The following GPN1 variants were observed in gnomAD, a reference collection of about 807,000 sequenced individuals.
GPN1 encodes GPN-loop GTPase 1.
A neutral mutation model predicts 55.9 loss-of-function variants in GPN1; 44 were observed. The ratio of observed to expected loss-of-function variants is 0.79; its 90% CI spans 0.62 to 1.01. The LOEUF is 1.01. Among genes scored for constraint, GPN1 ranks in the 50% least tolerant of loss-of-function variants. The pLI, the probability that GPN1 is intolerant of heterozygous loss-of-function variation, is 0.00. For synonymous variants in GPN1, 179 were observed against 162.5 expected (o/e 1.10, Z -0.77); for missense variants, 466 against 462.8 (o/e 1.01, Z -0.06).
chr2:27,628,670 C>G (rs1340582490), upstream of GPN1: 1 of 1,551,672 alleles, frequency 6.4e-7, no homozygotes, highest in Non-Finnish European at 8.7e-7. Flanking sequence ...GCAGCCGGTC[C>G]TCCAGTGGCT....
chr2:27,645,234 G>A (rs1572963295), intron 12 of GPN1, among the ~76,000 whole-genome samples: 1 of 152,108 alleles, frequency 6.6e-6, no homozygotes. Context: ...GCCTCCCAAG[G>A]TGTTGGGATC....
At chr2:27,641,397 G>GT (rs892367880) in intron 11 of GPN1, 118 bp downstream of exon 11, 37 of 645,578 alleles carry the variant, frequency 5.7e-5, no homozygotes, top group South Asian at 1.4e-4. Context: ...AATTAAAAAA[G>GT]TTTTTTTTGT....
At chr2:27,629,431 C>G (rs745468795) in intron 1 of GPN1, 4 of 1,547,470 alleles carry the variant, frequency 2.6e-6, no homozygotes, top group Non-Finnish European at 3.5e-6. Context: ...GATAAAATTG[C>G]GTTTCTCGGA....
Position 27,650,868 on chromosome 2 carries a change from C to G in GPN1, c.*668C>G, listed in dbSNP as rs183970711. 6.5e-6 allele frequency: 1 copy of G among 152,784 alleles called. No individual in the cohort carries two copies. The highest frequency in any genetic ancestry group is 1.5e-5 in the Non-Finnish European group (1 of 68,030). The allele number at this position is 152,784 out of a possible 1,614,324, so 9.5% of individuals were successfully genotyped here. ...TTAACTTTGTTCTAAGACTGCTTGT[C>G]ATGATTTCAAATTAGAAAATTATAT... On this transcript the variant is annotated 3_prime_UTR_variant, in exon 14 of 14. Transcript: ENST00000610189.
intron 8 of GPN1, 28 bp downstream of exon 8, chr2:27,638,283 AC>A: frequency 7.6e-7 from 1 of 1,319,922 alleles, no homozygotes; most frequent in Non-Finnish European, 1.1e-6. Context: ...GTTGTGATTC[AC>A]CATTTTTCAT....
intron 3 of GPN1, 80 bp downstream of exon 3, chr2:27,631,146 T>C: frequency 1.3e-6 from 1 of 766,072 alleles, no homozygotes; most frequent in Non-Finnish European, 2.3e-6. Flanking sequence ...AGAGTGTTTT[T>C]GCCTTTTCCT....
chr2:27,638,269 T>G lies in GPN1; in HGVS notation c.570+14T>G, dbSNP rs1673809097. On this transcript the variant is annotated intron_variant, in intron 8 of 13. Transcript: ENST00000610189. ...GTCATGAATAAAGTAAGTGTATTCT[T>G]CCTGTTGTGATTCACCATTTTTCAT... is the stretch of plus-strand genomic sequence containing the variant. 1 of 1,468,128 alleles carries G rather than the reference T, an allele frequency of 6.8e-7. No homozygotes were observed. The highest frequency in any genetic ancestry group is 9.5e-7 in the Non-Finnish European group (1 of 1,047,354). The allele number at this position is 1,468,128 out of a possible 1,614,324, so 90.9% of individuals were successfully genotyped here.
In GPN1 at chr2:27,650,891, T is replaced by C. The variant is rs1243839722; in HGVS notation, c.*691T>C. 1.3e-5 allele frequency: 2 copies of C among 152,806 alleles called. No individual in the cohort carries two copies. The highest frequency in any genetic ancestry group is 2.9e-5 in the Non-Finnish European group (2 of 68,042). The allele number at this position is 152,806 out of a possible 1,614,324, so 9.5% of individuals were successfully genotyped here. On this transcript the variant is annotated 3_prime_UTR_variant, in exon 14 of 14. Coordinates refer to ENST00000610189, the MANE Select transcript of GPN1 (RefSeq NM_007266.4). ...GTCATGATTTCAAATTAGAAAATTATATAATTGCAAACAGCTTCACTTCTC... is the reference window on the plus strand; with the variant it reads ...GTCATGATTTCAAATTAGAAAATTACATAATTGCAAACAGCTTCACTTCTC...
intron 12 of GPN1, among the ~76,000 whole-genome samples, chr2:27,645,241 G>A (rs931807756): frequency 2.6e-5 from 4 of 152,174 alleles, no homozygotes; most frequent in African/African-American, 7.2e-5. Context: ...AAGGTGTTGG[G>A]ATCATAGGCA....
chr2:27,638,305 T>TG, intron 8 of GPN1, 50 bp downstream of exon 8: 1 of 1,060,196 alleles, frequency 9.4e-7, no homozygotes, highest in Non-Finnish European at 1.5e-6. Context: ...CAGAACCTTG[T>TG]GGTTAGAAGG....
chr2:27,629,312 C>T (rs900443094), intron 1 of GPN1, 143 bp downstream of exon 1: 3 of 1,482,032 alleles, frequency 2.0e-6, no homozygotes, highest in East Asian at 2.5e-5. Flanking sequence ...TTAGTTCCTT[C>T]CCCGGCAAAG....
chr2:27,641,384 T>A, intron 11 of GPN1, 105 bp downstream of exon 11: 1 of 786,152 alleles, frequency 1.3e-6, no homozygotes, highest in Non-Finnish European at 2.1e-6. Flanking sequence ...GTATCTTTTA[T>A]TTAATTAAAA....
chr2:27,648,627 G>C (rs1168067074), intron 13 of GPN1, among the ~76,000 whole-genome samples: 1 of 152,134 alleles, frequency 6.6e-6, no homozygotes, highest in African/African-American at 2.4e-5. Context: ...ACTGTGCGCA[G>C]AATCTAATTG....
intron 12 of GPN1, among the ~76,000 whole-genome samples, chr2:27,644,728 T>G (rs1252046488): frequency 9.5e-5 from 14 of 148,128 alleles, no homozygotes; most frequent in East Asian, 3.9e-4. Context: ...GTAGTGTTTT[T>G]TTTTTTTTTT....
intron 8 of GPN1, 106 bp downstream of exon 8, chr2:27,638,361 C>A: frequency 3.0e-6 from 2 of 671,882 alleles, no homozygotes; most frequent in South Asian, 1.7e-5. Flanking sequence ...AGACCAGATT[C>A]AGGCTTTACT....
At position 27,635,245 on chromosome 2, in the gene GPN1, G is replaced by A. The variant is rs76683865; in HGVS notation, c.524+11G>A. The A allele has an allele frequency of 0.02, 27,339 of 1,377,250 alleles. 727 individuals are homozygous for A. Among genetic ancestry groups the A allele is most frequent in the African/African-American group, 0.12 (8,566 of 69,024 alleles). The allele number at this position is 1,377,250 out of a possible 1,614,324, so 85.3% of individuals were successfully genotyped here. A position where few individuals can be genotyped will look rare whatever the true frequency, so the allele number is the denominator to read the frequency against. ...GCTCTATGCCTGCAGGTAATTGATT[G>A]TTGGTGGGGAAAGTGTTCCATCAAG... On this transcript the variant is annotated intron_variant, in intron 7 of 13. Transcript: ENST00000610189.
Position 27,638,964 on chromosome 2 carries a change from C to T in GPN1, c.650C>T (p.Thr217Ile). Residue 217 changes from threonine to isoleucine, a missense_variant, in exon 9 of 14, where the codon ACT (threonine) becomes ATT (isoleucine). Thr to Ile is a moderately conservative substitution (Grantham distance 89, BLOSUM62 -1). Coordinates refer to ENST00000610189, the MANE Select transcript of GPN1 (RefSeq NM_007266.4). ...TTCCAAGATGCCTTGAATCAAGAGA[C>T]TACATACGTCAGTAACCTGACTCGT... is the stretch of plus-strand genomic sequence containing the variant. ...EAFQDALNQE[T>I]TYVSNLTRSM... is the part of the protein sequence containing the mutation. The T allele has an allele frequency of 6.2e-7, 1 of 1,613,226 alleles. No individual in the cohort carries two copies. The highest frequency in any genetic ancestry group is 1.3e-5 in the African/African-American group (1 of 75,028).
chr2:27,637,518 A>G (rs1673776801), intron 7 of GPN1, among the ~76,000 whole-genome samples: 1 of 152,176 alleles, frequency 6.6e-6, no homozygotes, highest in Non-Finnish European at 1.5e-5. Context: ...AGGGGTAGAA[A>G]CATTTTTAAG....
At chr2:27,634,195 T>C (rs2148066477) in intron 5 of GPN1, among the ~76,000 whole-genome samples, 1 of 152,334 alleles carries the variant, frequency 6.6e-6, no homozygotes, top group East Asian at 1.9e-4. Flanking sequence ...GCCATTGGTA[T>C]GTATATATTT....
Sources: gnomAD v4.1 joint callset for allele counts (sites outside exome capture counted in the v4.1 genomes callset) on GRCh38, gnomAD v4.1.1 for gene constraint, MANE v1.5 for transcripts, NCBI Gene and HGNC (gene_info 2026-07-23, HGNC 2026-07-21) for gene names.